Variants in QKI observed in about 807,000 individuals in gnomAD.
The protein encoded by QKI is QKI, KH domain containing RNA binding, also known as KH domain-containing RNA-binding protein QKI.
Under a neutral mutation model 39.0 loss-of-function variants are expected in QKI, and 10 were observed. That is an observed-to-expected ratio of 0.26 (90% CI 0.16 to 0.43). The LOEUF (loss-of-function observed/expected upper bound fraction) is 0.43. QKI is among the 20% of genes least tolerant of loss of function. The pLI is 1.00. For missense variants in QKI, 218 were observed against 428.0 expected, an observed-to-expected ratio of 0.51 and a Z score of 4.33; for synonymous variants, 204 against 155.4, an observed-to-expected ratio of 1.31 and a Z score of -2.33.
intron 1 of QKI, among the ~76,000 whole-genome samples, chr6:163,445,347 G>T (rs1185557038): frequency 6.6e-6 from 1 of 151,964 alleles, no homozygotes; most frequent in Non-Finnish European, 1.5e-5. Context: ...TCTGGTCCAG[G>T]TTTTCCTACT....
Position 163,575,960 on chromosome 6 carries a change from G to A in QKI, c.*5250G>A, listed in dbSNP as rs966322761. On this transcript the variant is annotated 3_prime_UTR_variant, in exon 8 of 8. Transcript: ENST00000361752. ...AGAAGTAGCTGTTACAGCATTTCAAGCAAATTATTTTAGGTAGAATAGAAC... is the reference window on the plus strand; with the variant it reads ...AGAAGTAGCTGTTACAGCATTTCAAACAAATTATTTTAGGTAGAATAGAAC... The A allele has an allele frequency of 1.3e-5, 2 of 152,104 alleles. No individual in the cohort carries two copies. The highest frequency in any genetic ancestry group is 4.8e-5 in the African/African-American group (2 of 41,428). 9.4% of individuals were successfully genotyped at this position (152,104 alleles called of 1,614,324 possible). A position where few individuals can be genotyped will look rare whatever the true frequency, so the allele number is the denominator to read the frequency against.
chr6:163,527,948 T>A (rs1395149975), intron 3 of QKI, among the ~76,000 whole-genome samples: 1 of 152,154 alleles, frequency 6.6e-6, no homozygotes, highest in Non-Finnish European at 1.5e-5. Context: ...AGCTACAGAT[T>A]TATCCTTTTT....
At chr6:163,464,924 A>G (rs1791618500) in intron 2 of QKI, among the ~76,000 whole-genome samples, 2 of 152,240 alleles carry the variant, frequency 1.3e-5, no homozygotes, top group Non-Finnish European at 2.9e-5. Context: ...AACAGTTGCA[A>G]AAATCCTCAA....
At chr6:163,540,807 A>G (rs1336996043) in intron 4 of QKI, among the ~76,000 whole-genome samples, 1 of 152,104 alleles carries the variant, frequency 6.6e-6, no homozygotes, top group African/African-American at 2.4e-5. Context: ...TGAAATAACT[A>G]GGCAGGAGTT....
In QKI at chr6:163,567,494, C is replaced by G. The variant is rs1783436206; in HGVS notation, c.1009+699C>G. On this transcript the variant is annotated intron_variant, in intron 7 of 7. Coordinates refer to ENST00000361752, the MANE Select transcript of QKI (RefSeq NM_006775.3). ...TGAAGGTAAACTGTCTCTTGAAGTT[C>G]TGTGGTGGTATGAGATCCAGCTGTG... 6.1e-6 allele frequency: 6 copies of G among 984,178 alleles called. No individual in the cohort carries two copies. In the Admixed American group the frequency reaches 3.1e-4, roughly 50 times the overall value. The allele number at this position is 984,178 out of a possible 1,614,324, so 61.0% of individuals were successfully genotyped here. A position where few individuals can be genotyped will look rare whatever the true frequency, so the allele number is the denominator to read the frequency against.
chr6:163,549,911 A>G (rs1314160926), intron 4 of QKI, among the ~76,000 whole-genome samples: 1 of 152,152 alleles, frequency 6.6e-6, no homozygotes, highest in Non-Finnish European at 1.5e-5. Flanking sequence ...GTATTTGTTG[A>G]ACAAATATTT....
chr6:163,503,358 CATTG>C (rs1256104747), intron 3 of QKI, among the ~76,000 whole-genome samples: 1 of 151,960 alleles, frequency 6.6e-6, no homozygotes, highest in East Asian at 1.9e-4. Context: ...CTCCCAGCAC[CATTG>C]ATTGAATATA....
At chr6:163,547,627 T>C (rs1583200799) in intron 4 of QKI, among the ~76,000 whole-genome samples, 1 of 152,146 alleles carries the variant, frequency 6.6e-6, no homozygotes, top group Non-Finnish European at 1.5e-5. Flanking sequence ...CGTATCACAA[T>C]TCTTCCCTTG....
chr6:163,538,896 A>G (rs1293940610), intron 4 of QKI, among the ~76,000 whole-genome samples: 1 of 152,222 alleles, frequency 6.6e-6, no homozygotes, highest in African/African-American at 2.4e-5. Flanking sequence ...CACTTTTACA[A>G]GAGCAGGTTT....
intron 4 of QKI, among the ~76,000 whole-genome samples, chr6:163,561,024 A>C (rs1782961557): frequency 6.6e-6 from 1 of 152,234 alleles, no homozygotes; most frequent in Admixed American, 6.5e-5. Flanking sequence ...TGCTTTGGAC[A>C]ATAAATCATA....
At chr6:163,448,463 C>T (rs1790315733) in intron 1 of QKI, among the ~76,000 whole-genome samples, 1 of 151,786 alleles carries the variant, frequency 6.6e-6, no homozygotes, top group Non-Finnish European at 1.5e-5. Context: ...CGCAGTGGCT[C>T]ACGCCTGTAA....
chr6:163,514,726 A>C (rs902397394), intron 3 of QKI, among the ~76,000 whole-genome samples: 1 of 152,226 alleles, frequency 6.6e-6, no homozygotes, highest in African/African-American at 2.4e-5. Context: ...ATATTAGGAT[A>C]GTTGAATTTG....
chr6:163,488,539 C>G (rs1562481165), intron 3 of QKI, among the ~76,000 whole-genome samples: 1 of 152,018 alleles, frequency 6.6e-6, no homozygotes, highest in Non-Finnish European at 1.5e-5. Context: ...CCTAGTGACA[C>G]AAAATAATGA....
chr6:163,476,831 A>G (rs1442088089), intron 2 of QKI, among the ~76,000 whole-genome samples: 1 of 152,166 alleles, frequency 6.6e-6, no homozygotes, highest in Non-Finnish European at 1.5e-5. Context: ...GATTTGTATT[A>G]GACTTGGTAG....
intron 3 of QKI, among the ~76,000 whole-genome samples, chr6:163,511,249 T>C (rs966034062): frequency 6.6e-6 from 1 of 152,106 alleles, no homozygotes; most frequent in Non-Finnish European, 1.5e-5. Context: ...TTGGAGGAAA[T>C]TTATATATTT....
intron 3 of QKI, among the ~76,000 whole-genome samples, chr6:163,501,920 T>C (rs1778791014): frequency 6.8e-6 from 1 of 147,850 alleles, no homozygotes; most frequent in East Asian, 2.0e-4. Context: ...GGCAGCTTTG[T>C]TTTTGGTAAA....
intron 3 of QKI, among the ~76,000 whole-genome samples, chr6:163,499,697 T>A (rs1193781193): frequency 6.6e-6 from 1 of 152,180 alleles, no homozygotes; most frequent in Non-Finnish European, 1.5e-5. Flanking sequence ...TCCTTTCACA[T>A]GTTCTACCCA....
intron 4 of QKI, among the ~76,000 whole-genome samples, chr6:163,542,770 C>CATAT (rs1395342079): frequency 6.6e-6 from 1 of 151,982 alleles, no homozygotes; most frequent in Non-Finnish European, 1.5e-5. Context: ...CAGTTTTTAA[C>CATAT]ATATAGCTGA....
At chr6:163,467,272 C>T (rs531127695) in intron 2 of QKI, among the ~76,000 whole-genome samples, 19 of 152,292 alleles carry the variant, frequency 1.2e-4, no homozygotes, top group African/African-American at 3.4e-4. Flanking sequence ...TGTATTAAAT[C>T]ATCACAAGTT....
Sources: gnomAD v4.1 joint callset for allele counts (sites outside exome capture counted in the v4.1 genomes callset) on GRCh38, gnomAD v4.1.1 for gene constraint, MANE v1.5 for transcripts, NCBI Gene and HGNC (gene_info 2026-07-23, HGNC 2026-07-21) for gene names.